The following ERAP2 variants were observed in gnomAD, a reference collection of about 807,000 sequenced individuals.
ERAP2 encodes the protein leukocyte-derived arginine aminopeptidase.
ERAP2 carries 118 observed loss-of-function variants against 111.1 expected under a neutral mutation model. The ratio of observed to expected loss-of-function variants is 1.06; its 90% CI spans 0.92 to 1.24. The LOEUF (loss-of-function observed/expected upper bound fraction) is 1.24, where lower values mean the gene tolerates loss of function less well. Ranked by LOEUF, ERAP2 falls within the 50% of genes most tolerant of loss-of-function variation. The pLI is 0.00. For synonymous variants in ERAP2, 410 were observed against 401.2 expected, an observed-to-expected ratio of 1.02 and a Z score of -0.26; for missense variants, 1,131 against 1,125.8, an observed-to-expected ratio of 1.00 and a Z score of -0.07.
chr5:96,917,195 C>T (rs1787506919), intron 18 of ERAP2, among the ~76,000 whole-genome samples: 1 of 152,124 alleles, frequency 6.6e-6, no homozygotes, highest in Admixed American at 6.5e-5. Flanking sequence ...TAACCTCCAC[C>T]TGCTGGGTTC....
Position 96,883,794 on chromosome 5 carries a change from T to A in ERAP2, c.578T>A (p.Ile193Asn), listed in dbSNP as rs761999795. The change falls in exon 3 of 19, where the codon ATT becomes AAT. Residue 193 changes from isoleucine (I) to asparagine (N), a missense_variant and splice_region_variant. Around this residue, in one of 3 missense-constraint regions of ERAP2, gnomAD observed 847 missense variants for 856.5 expected, o/e 0.99. Transcript: ENST00000437043. Reference sequence around the variant, plus strand: ...GCTGGGGGTGGGTCTTTTCACAGAATTCTTGCAGTAACAGATTTTGAGCCA... The same window carrying A: ...GCTGGGGGTGGGTCTTTTCACAGAAATCTTGCAGTAACAGATTTTGAGCCA... Reference protein sequence around the residue: ...TYRTLGGETRILAVTDFEPTQ... With the variant: ...TYRTLGGETRNLAVTDFEPTQ... 1 of 1,610,524 alleles carries A rather than the reference T, an allele frequency of 6.2e-7. No homozygotes were observed. The highest frequency in any genetic ancestry group is 1.7e-5 in the Admixed American group (1 of 59,140).
rs778565133 is a variant in ERAP2 at position 96,900,262 on chromosome 5, G to A, written c.1572+73G>A. On this transcript the variant is annotated intron_variant, in intron 10 of 18. Coordinates refer to ENST00000437043, the MANE Select transcript of ERAP2 (RefSeq NM_022350.5). ...TGACCTAGAGTGAGTATGACATACA[G>A]AGTAGCCCACCTGTCCCTTTTAAAA... 9 of 1,579,682 alleles carry A rather than the reference G, an allele frequency of 5.7e-6. No individual in the cohort carries two copies. The South Asian group carries it at 1.0e-4, about 18-fold the overall frequency.
chr5:96,878,067 T>C (rs192579248), intron 1 of ERAP2, among the ~76,000 whole-genome samples: 40 of 152,294 alleles, frequency 2.6e-4, no homozygotes, highest in African/African-American at 9.4e-4. Flanking sequence ...GCAGTAAGAA[T>C]TGATTCCCCC....
chr5:96,887,335 C>G (rs1279078474), intron 4 of ERAP2, among the ~76,000 whole-genome samples: 1 of 143,520 alleles, frequency 7.0e-6, no homozygotes, highest in Non-Finnish European at 1.5e-5. Flanking sequence ...GAGTCTCACT[C>G]TGTTGGCCAG....
At chr5:96,898,652 A>G (rs1785119781) in intron 9 of ERAP2, among the ~76,000 whole-genome samples, 1 of 152,038 alleles carries the variant, frequency 6.6e-6, no homozygotes, top group Non-Finnish European at 1.5e-5. Context: ...AGGCAGGAGA[A>G]TCACTTGAAT....
At chr5:96,883,987 G>A (rs543508456) in intron 3 of ERAP2, 57 bp downstream of exon 3, 34 of 1,493,648 alleles carry the variant, frequency 2.3e-5, no homozygotes, top group Middle Eastern at 1.8e-4. Context: ...CTCAGTCTTC[G>A]TTTGTTTTTT....
chr5:96,900,201 G>T lies in ERAP2; in HGVS notation c.1572+12G>T. ...TGACAAGTAACATGGTAAGGATAAA[G>T]AGAGTCACAGAGTAGAAGAGATCTG... On this transcript the variant is annotated intron_variant, in intron 10 of 18. Transcript: ENST00000437043. 6.2e-7 allele frequency: 1 copy of T among 1,613,348 alleles called. No homozygotes were observed. Among genetic ancestry groups the T allele is most frequent in the South Asian group, 1.1e-5 (1 of 91,070 alleles).
intron 17 of ERAP2, among the ~76,000 whole-genome samples, chr5:96,914,063 C>A (rs896993443): frequency 6.6e-6 from 1 of 151,822 alleles, no homozygotes; most frequent in Admixed American, 6.6e-5. Context: ...CTAAAATATC[C>A]CTCAGAAATA....
chr5:96,876,845 T>C (rs934582515), intron 1 of ERAP2, among the ~76,000 whole-genome samples: 1 of 152,224 alleles, frequency 6.6e-6, no homozygotes, highest in Non-Finnish European at 1.5e-5. Flanking sequence ...TGCAGTATAA[T>C]AGAAAGCCCA....
chr5:96,879,672 A>C lies in ERAP2; in HGVS notation c.-14A>C. On this transcript the variant is annotated 5_prime_UTR_variant, in exon 2 of 19. Transcript: ENST00000437043. ...TAGCCTGGATATTAACTTGTCTTCT[A>C]GAGAATAGATTTCATGTTCCATTCT... 1.1e-5 allele frequency: 18 copies of C among 1,605,150 alleles called. No individual in the cohort carries two copies. The highest frequency in any genetic ancestry group is 1.4e-5 in the Non-Finnish European group (16 of 1,172,178).
rs757753442 is a variant in ERAP2, at chr5:96,912,663, T to G, written c.2381T>G (p.Val794Gly). The part of the protein sequence containing the change: ...LNIPTDVLKI[V>G]YSVGAQTTAG... The stretch of plus-strand genomic sequence containing the variant: ...ATACCAACAGATGTTTTAAAGATTG[T>G]GTATTCTGTGGGTGCTCAGACAACA... Residue 794 changes from valine (V) to glycine (G), a missense_variant, in exon 16 of 19, where the codon GTG (valine) becomes GGG (glycine). Val to Gly is a moderately radical substitution (Grantham distance 109). Coordinates refer to ENST00000437043, the MANE Select transcript of ERAP2 (RefSeq NM_022350.5). 1 of 1,610,892 alleles carries G rather than the reference T, an allele frequency of 6.2e-7. No homozygotes were observed. Among genetic ancestry groups the G allele is most frequent in the South Asian group, 1.1e-5 (1 of 90,430 alleles).
intron 15 of ERAP2, among the ~76,000 whole-genome samples, 192 bp from the exon 16 acceptor site, chr5:96,912,445 A>T (rs1246842107): frequency 2.6e-5 from 4 of 152,148 alleles, no homozygotes; most frequent in Non-Finnish European, 4.4e-5. Flanking sequence ...TCAGTAGGAG[A>T]TAAAACACAA....
chr5:96,900,045 G>T, intron 9 of ERAP2, 76 bp from the exon 10 acceptor site: 2 of 1,508,950 alleles, frequency 1.3e-6, no homozygotes, highest in Non-Finnish European at 1.8e-6. Context: ...ATAAATGCCT[G>T]CATCCATGGC....
At chr5:96,880,952 G>C (rs1410365330) in intron 2 of ERAP2, 1 of 158,456 alleles carries the variant, frequency 6.3e-6, no homozygotes, top group Non-Finnish European at 1.4e-5. Flanking sequence ...TGACTGGGCA[G>C]GGAAGTGTTT....
rs372040296 is a variant in ERAP2, at chr5:96,883,905, A to G, written c.689A>G (p.His230Arg). 3.1e-5 allele frequency: 50 copies of G among 1,612,196 alleles called. No homozygotes were observed. Among genetic ancestry groups the G allele is most frequent in the Non-Finnish European group, 4.2e-5 (50 of 1,179,390 alleles). The change falls in exon 3 of 19, where the codon CAT (histidine) becomes CGT (arginine). Residue 230 changes from histidine (H) to arginine (R), a missense_variant. Around this residue, in one of 3 missense-constraint regions of ERAP2, gnomAD observed 847 missense variants for 856.5 expected, o/e 0.99. Transcript: ENST00000437043. ...ATCAAGATACGAAGAGAGAGCAGGC[A>G]TATTGCACTATCCAACATGCCAAAG... Reference protein sequence around the residue: ...FSIKIRRESRHIALSNMPKVK... With the variant: ...FSIKIRRESRRIALSNMPKVK...
Position 96,909,722 on chromosome 5 carries a change from C to T in ERAP2, c.2312C>T (p.Ala771Val). The T allele has an allele frequency of 6.2e-7, 1 of 1,614,194 alleles. No homozygotes were observed. Among genetic ancestry groups the T allele is most frequent in the Non-Finnish European group, 8.5e-7 (1 of 1,180,018 alleles). The change falls in exon 15 of 19, where the codon GCT becomes GTT. Residue 771 changes from alanine to valine, a missense_variant. Ala to Val is a moderately conservative substitution (Grantham distance 64). This residue lies in a region of ERAP2 where 279 missense variants were observed against 250.9 expected (regional missense o/e 1.11). Coordinates refer to ENST00000437043, the MANE Select transcript of ERAP2 (RefSeq NM_022350.5). The part of the protein sequence containing the change: ...LNHAPCIQKA[A>V]ELFSQWMESS... Reference sequence around the variant, plus strand: ...CATGCTCCTTGCATCCAGAAAGCTGCTGAACTCTTCTCCCAGTGGATGGAA... The same window carrying T: ...CATGCTCCTTGCATCCAGAAAGCTGTTGAACTCTTCTCCCAGTGGATGGAA...
chr5:96,900,388 G>T, intron 10 of ERAP2, 199 bp downstream of exon 10: 1 of 842,298 alleles, frequency 1.2e-6, no homozygotes, highest in Non-Finnish European at 1.7e-6. Context: ...CTATATTTTT[G>T]TTGTTATAGT....
chr5:96,917,438 ATT>A, intron 18 of ERAP2, 22 bp from the exon 19 acceptor site: 3 of 1,602,182 alleles, frequency 1.9e-6, no homozygotes, highest in Non-Finnish European at 2.6e-6. Flanking sequence ...AGTGTTAGTA[ATT>A]TTTTTCTTCA....
At chr5:96,891,578 C>T (rs1386166382) in intron 5 of ERAP2, among the ~76,000 whole-genome samples, 22 of 150,464 alleles carry the variant, frequency 1.5e-4, no homozygotes, top group Non-Finnish European at 2.2e-4. Context: ...ATGGTACACA[C>T]ACACACACAC....
Sources: allele counts gnomAD v4.1 joint callset (sites outside exome capture counted in the v4.1 genomes callset), GRCh38; gene constraint gnomAD v4.1.1; regional missense constraint gnomAD v4.1.1; transcripts MANE v1.5; gene names NCBI Gene and HGNC (gene_info 2026-07-23, HGNC 2026-07-21).